The following HADHB variants were observed in gnomAD, a reference collection of about 807,000 sequenced individuals.
The protein encoded by HADHB is trifunctional enzyme subunit beta, mitochondrial.
In HADHB, 50 loss-of-function variants were observed where a neutral mutation model predicts 61.9. The observed-to-expected ratio is 0.81, with a 90% CI of 0.64 to 1.02. The LOEUF (loss-of-function observed/expected upper bound fraction) is 1.02, where lower values mean the gene tolerates loss of function less well. HADHB is among the 50% of genes least tolerant of loss of function. The pLI, the probability that HADHB is intolerant of heterozygous loss-of-function variation, is 0.00. For missense variants in HADHB, 504 were observed against 586.5 expected, an observed-to-expected ratio of 0.86 and a Z score of 1.45; for synonymous variants, 191 against 201.6, an observed-to-expected ratio of 0.95 and a Z score of 0.45.
intron 1 of HADHB, among the ~76,000 whole-genome samples, chr2:26,250,836 C>T (rs1253780597): frequency 1.7e-4 from 25 of 151,332 alleles, no homozygotes; most frequent in Admixed American, 9.2e-4. Flanking sequence ...AATACATACA[C>T]GTGTGTGTAT....
At chr2:26,265,067 A>G (rs1299214160) in intron 4 of HADHB, among the ~76,000 whole-genome samples, 3 of 152,276 alleles carry the variant, frequency 2.0e-5, no homozygotes, top group Middle Eastern at 6.8e-3. Context: ...TATTTTATCA[A>G]TATAGTAATC....
chr2:26,273,344 G>GT (rs1460507188), intron 5 of HADHB, among the ~76,000 whole-genome samples: 2 of 151,580 alleles, frequency 1.3e-5, no homozygotes, highest in Non-Finnish European at 2.9e-5. Context: ...GCAAACTTTG[G>GT]TTTCTACTAA....
intron 3 of HADHB, among the ~76,000 whole-genome samples, chr2:26,259,168 C>T (rs1261312251): frequency 6.6e-6 from 1 of 152,198 alleles, no homozygotes; most frequent in Non-Finnish European, 1.5e-5. Context: ...TGTCGTGATC[C>T]ATTGCAGCAT....
chr2:26,257,681 G>A (rs1299791994), intron 3 of HADHB, among the ~76,000 whole-genome samples: 2 of 152,054 alleles, frequency 1.3e-5, no homozygotes, highest in African/African-American at 4.8e-5. Flanking sequence ...CGTTAAAGAT[G>A]TTACTGGGAC....
intron 3 of HADHB, among the ~76,000 whole-genome samples, chr2:26,259,653 A>G (rs1261995284): frequency 6.6e-6 from 1 of 152,178 alleles, no homozygotes; most frequent in Non-Finnish European, 1.5e-5. Flanking sequence ...TCTCCTACAT[A>G]TAATAATGAA....
At chr2:26,283,519 A>G (rs940116859) in intron 12 of HADHB, among the ~76,000 whole-genome samples, 4 of 152,044 alleles carry the variant, frequency 2.6e-5, no homozygotes, top group African/African-American at 7.2e-5. Context: ...GCGAGACTCC[A>G]TCTCAAAAAA....
At chr2:26,249,244 A>T (rs1164718732) in intron 1 of HADHB, among the ~76,000 whole-genome samples, 1 of 151,676 alleles carries the variant, frequency 6.6e-6, no homozygotes, top group Non-Finnish European at 1.5e-5. Flanking sequence ...CTTAAAGGGG[A>T]TTTATTAGTC....
At chr2:26,259,793 C>T (rs1323131722) in intron 3 of HADHB, among the ~76,000 whole-genome samples, 3 of 152,092 alleles carry the variant, frequency 2.0e-5, no homozygotes, top group Non-Finnish European at 4.4e-5. Flanking sequence ...CTGTAGTTAT[C>T]AGGGAAGGCT....
chr2:26,267,319 C>T (rs1001220021), intron 4 of HADHB, among the ~76,000 whole-genome samples: 8 of 151,630 alleles, frequency 5.3e-5, no homozygotes, highest in African/African-American at 1.2e-4. Context: ...CTTGTAGTGC[C>T]GGAAAGCAAA....
intron 10 of HADHB, 70 bp from the exon 11 acceptor site, chr2:26,282,775 T>A: frequency 2.0e-6 from 2 of 1,021,596 alleles, no homozygotes; most frequent in Non-Finnish European, 3.1e-6. Context: ...GGTACAGATA[T>A]ATAAGATGGC....
chr2:26,256,775 C>A (rs949326033), intron 3 of HADHB, among the ~76,000 whole-genome samples: 1 of 152,054 alleles, frequency 6.6e-6, no homozygotes, highest in African/African-American at 2.4e-5. Flanking sequence ...AATTCAGATT[C>A]TTATAATTCA....
chr2:26,276,484 A>G (rs1672537458), intron 6 of HADHB, among the ~76,000 whole-genome samples: 1 of 152,238 alleles, frequency 6.6e-6, no homozygotes, highest in Non-Finnish European at 1.5e-5. Context: ...GAAGTATCAG[A>G]CGGTCAGTAA....
intron 3 of HADHB, chr2:26,261,108 C>A: frequency 1.0e-6 from 1 of 957,880 alleles, no homozygotes; most frequent in Non-Finnish European, 1.6e-6. Flanking sequence ...TTTATATTGA[C>A]TTAGGGATGT....
At chr2:26,261,238 A>C in intron 3 of HADHB, 2 of 497,148 alleles carry the variant, frequency 4.0e-6, no homozygotes, top group Non-Finnish European at 7.1e-6. Flanking sequence ...GACAAACAAA[A>C]AAAGTATCTT....
chr2:26,261,754 G>A (rs920128485), intron 3 of HADHB, among the ~76,000 whole-genome samples: 1 of 151,678 alleles, frequency 6.6e-6, no homozygotes, highest in Non-Finnish European at 1.5e-5. Context: ...CAGCCTTGGC[G>A]ACAGAGCAAG....
intron 10 of HADHB, among the ~76,000 whole-genome samples, chr2:26,280,719 G>A (rs1036668481): frequency 6.6e-5 from 10 of 152,018 alleles, no homozygotes; most frequent in African/African-American, 2.2e-4. Context: ...AGATGTGGTG[G>A]CACATGCCTG....
chr2:26,284,889 A>G lies in HADHB; in HGVS notation c.1156A>G (p.Ile386Val), dbSNP rs1012464900. 1 of 1,564,564 alleles carries G rather than the reference A, an allele frequency of 6.4e-7. No individual in the cohort carries two copies. Among genetic ancestry groups the G allele is most frequent in the African/African-American group, 1.3e-5 (1 of 74,090 alleles). Residue 386 changes from isoleucine (I) to valine (V), a missense_variant, in exon 14 of 16, where the codon ATT becomes GTT. By Grantham distance (29) the Ile-to-Val change is conservative. Coordinates refer to ENST00000317799, the MANE Select transcript of HADHB (RefSeq NM_000183.3). ...FEFHEAFSGQ[I>V]LANFKAMDSD... ...CGATTATTTTCTCTTCCAGGGTCAG[A>G]TTTTGGCAAATTTTAAAGCCATGGA...
rs763837775 is a variant in HADHB at position 26,288,109 on chromosome 2, A to G, written c.1390-1809A>G. On this transcript the variant is annotated intron_variant, in intron 15 of 15. Coordinates refer to ENST00000317799, the MANE Select transcript of HADHB (RefSeq NM_000183.3). The stretch of plus-strand genomic sequence containing the variant: ...TGGCAAAACCTCGTCTCTACCAAAA[A>G]TACAAAAATTAGCCAGGTATGATGG... 5.9e-5 allele frequency among the ~76,000 whole-genome samples: 9 copies of G among 152,174 alleles called. No homozygotes were observed. The South Asian group carries it at 8.3e-4, about 14-fold the overall frequency.
At chr2:26,260,915 G>T (rs1671834481) in intron 3 of HADHB, 19 of 767,646 alleles carry the variant, frequency 2.5e-5, no homozygotes, top group Non-Finnish European at 4.2e-5. Flanking sequence ...CCATCAACCT[G>T]TTCTTCCTCA....
Sources: gnomAD v4.1 joint callset for allele counts (sites outside exome capture counted in the v4.1 genomes callset) on GRCh38, gnomAD v4.1.1 for gene constraint, MANE v1.5 for transcripts, NCBI Gene and HGNC (gene_info 2026-07-23, HGNC 2026-07-21) for gene names.